Variants in BCKDHB observed in about 807,000 individuals in gnomAD.
BCKDHB encodes the protein branched chain keto acid dehydrogenase E1 subunit beta, also known as 2-oxoisovalerate dehydrogenase subunit beta, mitochondrial.
BCKDHB carries 41 observed loss-of-function variants against 48.5 expected under a neutral mutation model. That is an observed-to-expected ratio of 0.85 (90% CI 0.66 to 1.10). BCKDHB has a LOEUF of 1.10. Ranked by LOEUF, BCKDHB falls within the 50% of genes least tolerant of loss-of-function variation. The pLI, the probability that BCKDHB is intolerant of heterozygous loss-of-function variation, is 0.00. For synonymous variants in BCKDHB, 201 were observed against 174.8 expected (o/e 1.15, Z -1.18); for missense variants, 496 against 494.2 (o/e 1.00, Z -0.03).
intron 8 of BCKDHB, among the ~76,000 whole-genome samples, chr6:80,223,470 G>A (rs1775550107): frequency 6.6e-6 from 1 of 152,076 alleles, no homozygotes; most frequent in African/African-American, 2.4e-5. Flanking sequence ...AATTTCTTAT[G>A]TCAGTTTTGG....
the BCKDHB span, among the ~76,000 whole-genome samples, chr6:80,395,552 A>G: frequency 1.3e-5 from 2 of 152,242 alleles, no homozygotes; most frequent in African/African-American, 2.4e-5. Flanking sequence ...TCTAAGCGGC[A>G]AAGCATTCAA....
chr6:80,165,637 A>G (rs192644912), intron 3 of BCKDHB, among the ~76,000 whole-genome samples: 5 of 152,320 alleles, frequency 3.3e-5, no homozygotes, highest in Admixed American at 3.3e-4. Flanking sequence ...TTCTAATGAA[A>G]TTCTGGCATG....
chr6:80,294,746 C>T (rs907697911), intron 9 of BCKDHB, among the ~76,000 whole-genome samples: 9 of 152,194 alleles, frequency 5.9e-5, no homozygotes, highest in African/African-American at 2.2e-4. Context: ...GTGGTCAGAC[C>T]GGTTCTCTGC....
At chr6:80,126,790 T>C (rs185070128) in intron 1 of BCKDHB, among the ~76,000 whole-genome samples, 4 of 152,270 alleles carry the variant, frequency 2.6e-5, no homozygotes, top group Admixed American at 2.6e-4. Context: ...TTTAGAACTT[T>C]ATCAAATGAA....
intron 6 of BCKDHB, among the ~76,000 whole-genome samples, chr6:80,181,915 A>G (rs1041334823): frequency 8.5e-5 from 13 of 152,330 alleles, no homozygotes; most frequent in Admixed American, 1.3e-4. Context: ...GAAAAGTACA[A>G]ACAAAGATAA....
chr6:80,332,719 A>C (rs1322324546), intron 9 of BCKDHB, among the ~76,000 whole-genome samples: 1 of 151,532 alleles, frequency 6.6e-6, no homozygotes, highest in East Asian at 1.9e-4. Context: ...AAAAAAAAAA[A>C]AAACACCTTC....
intron 6 of BCKDHB, among the ~76,000 whole-genome samples, chr6:80,184,295 A>G (rs1440095263): frequency 2.0e-5 from 3 of 152,146 alleles, no homozygotes; most frequent in Non-Finnish European, 4.4e-5. Context: ...TGCATGAAAT[A>G]TCTTTCTCCA....
the BCKDHB span, among the ~76,000 whole-genome samples, chr6:80,409,524 G>T: frequency 7.3e-6 from 1 of 136,840 alleles, no homozygotes; most frequent in Non-Finnish European, 1.5e-5. Flanking sequence ...GAGTCTCTTT[G>T]TAGGTCTCTA....
chr6:80,158,655 C>A (rs1246038261), intron 3 of BCKDHB, among the ~76,000 whole-genome samples: 2 of 152,100 alleles, frequency 1.3e-5, no homozygotes, highest in Admixed American at 1.3e-4. Flanking sequence ...AACTAGTTGT[C>A]CCTAGTTGGG....
chr6:80,136,200 C>CT lies in BCKDHB; in HGVS notation c.343+6978dup, dbSNP rs1327081688. On this transcript the variant is annotated intron_variant, in intron 3 of 9. Transcript: ENST00000320393. ...GAACAAAGTTGGAGGACTCACAGTT[C>CT]TTTTTTTCAAAACTTACTGCAAAGC... Among the ~76,000 whole-genome samples the CT allele has an allele frequency of 3.3e-5, 5 of 152,082 alleles. No individual in the cohort carries two copies. The East Asian group carries it at 9.6e-4, about 29-fold the overall frequency.
chr6:80,285,148 C>A (rs1212363250), intron 9 of BCKDHB, among the ~76,000 whole-genome samples: 2 of 152,096 alleles, frequency 1.3e-5, no homozygotes, highest in African/African-American at 4.8e-5. Flanking sequence ...TAACCATGAA[C>A]TTTTCTGGGC....
At chr6:80,408,196 T>C in the BCKDHB span, among the ~76,000 whole-genome samples, 1 of 152,126 alleles carries the variant, frequency 6.6e-6, no homozygotes, top group African/African-American at 2.4e-5. Context: ...GCATCCCAGG[T>C]ATGAAGCTGA....
At chr6:80,147,609 G>T (rs547989212) in intron 3 of BCKDHB, among the ~76,000 whole-genome samples, 1 of 152,232 alleles carries the variant, frequency 6.6e-6, no homozygotes, top group African/African-American at 2.4e-5. Flanking sequence ...GCAGGGAGAC[G>T]GGGGTGAGAT....
At chr6:80,141,445 G>C (rs976342688) in intron 3 of BCKDHB, among the ~76,000 whole-genome samples, 1 of 152,046 alleles carries the variant, frequency 6.6e-6, no homozygotes, top group Non-Finnish European at 1.5e-5. Context: ...TTCTGGGGTT[G>C]GAGCTACTTC....
the BCKDHB span, among the ~76,000 whole-genome samples, chr6:80,398,673 G>T: frequency 6.7e-6 from 1 of 150,062 alleles, no homozygotes; most frequent in Non-Finnish European, 1.5e-5. Flanking sequence ...CAAAGAGCTG[G>T]TACTATTCCT....
the BCKDHB span, among the ~76,000 whole-genome samples, chr6:80,395,131 A>G: frequency 6.6e-6 from 1 of 152,208 alleles, no homozygotes; most frequent in Admixed American, 6.5e-5. Flanking sequence ...GGCCTAATAC[A>G]GTAAATTGGC....
chr6:80,337,686 T>C (rs1047568074), intron 9 of BCKDHB, among the ~76,000 whole-genome samples: 1 of 152,030 alleles, frequency 6.6e-6, no homozygotes, highest in African/African-American at 2.4e-5. Context: ...TGTGTTGTGG[T>C]AGTATAATGA....
intron 8 of BCKDHB, among the ~76,000 whole-genome samples, chr6:80,213,153 G>A (rs1775016122): frequency 6.6e-6 from 1 of 152,004 alleles, no homozygotes; most frequent in South Asian, 2.1e-4. Context: ...CTTCTTCTTG[G>A]TGCTCATAAA....
At position 80,345,982 on chromosome 6, in the gene BCKDHB, G is replaced by A. The variant is rs1770183953; in HGVS notation, c.*2178G>A. ...CTATAATTTATTTTACAGAAAAGCTGGAAGATTATGACTAGATATGGAAAT... is the reference window on the plus strand; with the variant it reads ...CTATAATTTATTTTACAGAAAAGCTAGAAGATTATGACTAGATATGGAAAT... On this transcript the variant is annotated 3_prime_UTR_variant, in exon 10 of 10. Coordinates refer to ENST00000320393, the MANE Select transcript of BCKDHB (RefSeq NM_183050.4). 2 of 151,968 alleles carry A rather than the reference G, an allele frequency of 1.3e-5. No homozygotes were observed. Among genetic ancestry groups the A allele is most frequent in the African/African-American group, 4.8e-5 (2 of 41,384 alleles). 9.4% of individuals were successfully genotyped at this position (151,968 alleles called of 1,614,324 possible). A position where few individuals can be genotyped will look rare whatever the true frequency, so the allele number is the denominator to read the frequency against.
Sources: gnomAD v4.1 joint callset for allele counts (sites outside exome capture counted in the v4.1 genomes callset) on GRCh38, gnomAD v4.1.1 for gene constraint, MANE v1.5 for transcripts, NCBI Gene and HGNC (gene_info 2026-07-23, HGNC 2026-07-21) for gene names.